GABRG3: variants seen among roughly 807,000 people sequenced by gnomAD.
The protein encoded by GABRG3 is gamma-aminobutyric acid type A receptor subunit gamma3.
A neutral mutation model predicts 48.8 loss-of-function variants in GABRG3; 25 were observed. The observed-to-expected ratio is 0.51, with a 90% confidence interval of 0.37 to 0.72. The LOEUF (loss-of-function observed/expected upper bound fraction) is 0.72. GABRG3 is among the 30% of genes least tolerant of loss of function. The probability of loss-of-function intolerance (pLI) is 0.00; values close to 1 mark genes in which losing one functional copy is unlikely to be tolerated. For synonymous variants in GABRG3, 227 were observed against 217.6 expected (o/e 1.04, Z -0.38); for missense variants, 394 against 577.9 (o/e 0.68, Z 3.26).
intron 5 of GABRG3, among the ~76,000 whole-genome samples, chr15:27,420,441 A>G (rs534984538): frequency 6.8e-4 from 103 of 152,330 alleles, no homozygotes; most frequent in African/African-American, 2.5e-3. Flanking sequence ...CATTTCAGTT[A>G]TGCGAGATGA....
chr15:27,308,312 A>G (rs1185485265), intron 3 of GABRG3, among the ~76,000 whole-genome samples: 1 of 138,808 alleles, frequency 7.2e-6, no homozygotes, highest in Non-Finnish European at 1.5e-5. Context: ...ATATAAACAT[A>G]TATAAACATA....
At chr15:27,286,753 G>A (rs1891626525) in intron 3 of GABRG3, among the ~76,000 whole-genome samples, 1 of 152,140 alleles carries the variant, frequency 6.6e-6, no homozygotes, top group Admixed American at 6.6e-5. Flanking sequence ...AGAAATATAA[G>A]GAGTACCTTG....
intron 6 of GABRG3, among the ~76,000 whole-genome samples, chr15:27,483,560 A>T (rs531763661): frequency 6.6e-6 from 1 of 152,316 alleles, no homozygotes; most frequent in Admixed American, 6.5e-5. Context: ...CTTTGTGAGG[A>T]GTGGCATTTC....
chr15:27,295,229 C>G lies in GABRG3; in HGVS notation c.271-31580C>G, dbSNP rs552950780. The G allele has an allele frequency of 3.3e-5, 5 of 152,320 alleles. No homozygotes were observed. The South Asian group carries it at 1.0e-3, about 32-fold the overall frequency. 9.4% of individuals were successfully genotyped at this position (152,320 alleles called of 1,614,324 possible). ...TTTAAAATTAAATTTTATTATTTCG[C>G]CTTCCTTTCCAGTTCTTAATGTTAG... On this transcript the variant is annotated intron_variant, in intron 3 of 9. Transcript: ENST00000615808.
At chr15:27,074,412 C>T (rs1354972855) in intron 3 of GABRG3, among the ~76,000 whole-genome samples, 2 of 151,996 alleles carry the variant, frequency 1.3e-5, no homozygotes, top group African/African-American at 4.8e-5. Context: ...CCGCTTCCTT[C>T]TGTGCTGCTG....
At chr15:27,297,712 C>G (rs1317652867) in intron 3 of GABRG3, among the ~76,000 whole-genome samples, 1 of 152,072 alleles carries the variant, frequency 6.6e-6, no homozygotes, top group Non-Finnish European at 1.5e-5. Flanking sequence ...CAATGTATGA[C>G]TATATAGTTG....
At chr15:27,342,000 A>T (rs1308258085) in intron 5 of GABRG3, among the ~76,000 whole-genome samples, 2 of 152,180 alleles carry the variant, frequency 1.3e-5, no homozygotes, top group African/African-American at 4.8e-5. Flanking sequence ...GTTTTAAGAG[A>T]CAATGTTCCA....
At chr15:27,122,427 T>C (rs971262272) in intron 3 of GABRG3, among the ~76,000 whole-genome samples, 1 of 152,232 alleles carries the variant, frequency 6.6e-6, no homozygotes, top group African/African-American at 2.4e-5. Flanking sequence ...CAAAGAAACA[T>C]GAAATAACTT....
At chr15:27,119,362 C>T (rs751766034) in intron 3 of GABRG3, among the ~76,000 whole-genome samples, 51 of 152,300 alleles carry the variant, frequency 3.3e-4, no homozygotes, top group African/African-American at 1.0e-3. Context: ...TTCTGTTATA[C>T]GAGTTTCAGC....
intron 3 of GABRG3, among the ~76,000 whole-genome samples, chr15:27,034,190 G>A (rs995990900): frequency 6.6e-5 from 10 of 152,060 alleles, no homozygotes; most frequent in Non-Finnish European, 1.2e-4. Flanking sequence ...TTCTATTCTC[G>A]AAAAGCATAC....
At chr15:27,391,996 T>TA (rs1887146655) in intron 5 of GABRG3, among the ~76,000 whole-genome samples, 1 of 152,234 alleles carries the variant, frequency 6.6e-6, no homozygotes, top group Non-Finnish European at 1.5e-5. Context: ...TCCTGGTACA[T>TA]ACCTTTGCTG....
intron 5 of GABRG3, among the ~76,000 whole-genome samples, chr15:27,455,376 G>GAGTT: frequency 1.3e-5 from 2 of 151,676 alleles, no homozygotes; most frequent in Non-Finnish European, 2.9e-5. Context: ...GGTGGTTCGT[G>GAGTT]TATGGGGTGT....
At chr15:27,524,868 A>G (rs757921665) in intron 7 of GABRG3, among the ~76,000 whole-genome samples, 5 of 152,192 alleles carry the variant, frequency 3.3e-5, no homozygotes, top group Non-Finnish European at 5.9e-5. Context: ...AATATTAATA[A>G]CTACATTCAA....
At chr15:27,393,034 G>T (rs891703374) in intron 5 of GABRG3, among the ~76,000 whole-genome samples, 1 of 152,062 alleles carries the variant, frequency 6.6e-6, no homozygotes, top group Non-Finnish European at 1.5e-5. Flanking sequence ...GTTCATTTCA[G>T]TAGAGAACGG....
chr15:27,037,228 C>T (rs374994065), intron 3 of GABRG3, among the ~76,000 whole-genome samples: 6 of 152,312 alleles, frequency 3.9e-5, no homozygotes, highest in East Asian at 1.9e-4. Context: ...GTGTGAGCCC[C>T]GGGCAGTGGT....
At chr15:27,307,375 A>G (rs1892630744) in intron 3 of GABRG3, among the ~76,000 whole-genome samples, 1 of 100,698 alleles carries the variant, frequency 9.9e-6, no homozygotes, top group South Asian at 3.1e-4. Flanking sequence ...ATATAGGTTT[A>G]TATATTTATA....
chr15:27,199,807 A>G (rs903628714), intron 3 of GABRG3, among the ~76,000 whole-genome samples: 6 of 152,156 alleles, frequency 3.9e-5, no homozygotes, highest in African/African-American at 1.4e-4. Flanking sequence ...GCAATGCAAA[A>G]TGGACTAAGA....
intron 6 of GABRG3, among the ~76,000 whole-genome samples, chr15:27,485,331 C>T (rs1019762262): frequency 2.0e-5 from 3 of 152,176 alleles, no homozygotes. Context: ...GGACTCTATA[C>T]TCCAGACATT....
intron 2 of GABRG3, among the ~76,000 whole-genome samples, chr15:27,013,653 C>T (rs1895727903): frequency 6.6e-6 from 1 of 152,190 alleles, no homozygotes; most frequent in South Asian, 2.1e-4. Context: ...GTCTTGGCAT[C>T]ATTGTTGAAA....
Sources: gnomAD v4.1 joint callset for allele counts (sites outside exome capture counted in the v4.1 genomes callset) on GRCh38, gnomAD v4.1.1 for gene constraint, MANE v1.5 for transcripts, NCBI Gene and HGNC (gene_info 2026-07-23, HGNC 2026-07-21) for gene names.